Variants in TNRC6B observed in about 807,000 individuals in gnomAD.
TNRC6B encodes trinucleotide repeat-containing gene 6B protein.
Under a neutral mutation model 203.6 loss-of-function variants are expected in TNRC6B, and 52 were observed. The ratio of observed to expected loss-of-function variants is 0.26; its 90% CI spans 0.20 to 0.32. The LOEUF (loss-of-function observed/expected upper bound fraction) is 0.32, where lower values mean the gene tolerates loss of function less well. Among genes scored for constraint, TNRC6B ranks in the 10% least tolerant of loss-of-function variants. TNRC6B has a pLI of 1.00. For synonymous variants in TNRC6B, 838 were observed against 845.7 expected (o/e 0.99, Z 0.16); for missense variants, 1,923 against 2,286.2 (o/e 0.84, Z 3.24).
At chr22:40,136,859 ACATTAT>A (rs2068604174) in intron 3 of TNRC6B, among the ~76,000 whole-genome samples, 2 of 152,220 alleles carry the variant, frequency 1.3e-5, no homozygotes, top group Non-Finnish European at 2.9e-5. Flanking sequence ...TATTAATATA[ACATTAT>A]CATTATCAAA....
chr22:40,092,698 C>T (rs950175684), intron 1 of TNRC6B, among the ~76,000 whole-genome samples: 2 of 152,078 alleles, frequency 1.3e-5, no homozygotes, highest in Non-Finnish European at 2.9e-5. Context: ...TTTTTAGGGG[C>T]AAGGTCTTGC....
intron 12 of TNRC6B, among the ~76,000 whole-genome samples, chr22:40,286,824 G>A (rs527871199): frequency 6.6e-5 from 10 of 152,296 alleles, no homozygotes; most frequent in African/African-American, 2.4e-4. Context: ...GAAAGCAGGC[G>A]TGAGGATAGA....
chr22:40,176,122 C>CT (rs984617603), upstream of TNRC6B, among the ~76,000 whole-genome samples: 1,803 of 131,954 alleles, frequency 0.014, 28 homozygotes, highest in Non-Finnish European at 0.016. Flanking sequence ...TTCTCATGCA[C>CT]TTTTTTTTTT....
intron 1 of TNRC6B, among the ~76,000 whole-genome samples, chr22:40,178,404 G>A (rs1470326372): frequency 6.6e-6 from 1 of 152,106 alleles, no homozygotes; most frequent in Non-Finnish European, 1.5e-5. Context: ...TTTCTATCTT[G>A]CAATAAATGA....
At position 40,160,803 on chromosome 22, in the gene TNRC6B, C is replaced by G. The variant is rs570278027; in HGVS notation, c.113+4621C>G. On this transcript the variant is annotated intron_variant, in intron 4 of 23. Transcript: ENST00000301923. ...GGTCTCAAACTCTTGGGCTCAGGCT[C>G]AAGCAATCCTCCCACCTCAGCCTCC... is the stretch of plus-strand genomic sequence containing the variant. Among the ~76,000 whole-genome samples the G allele has an allele frequency of 3.3e-5, 5 of 152,242 alleles. No individual in the cohort carries two copies. In the East Asian group the frequency reaches 9.7e-4, roughly 29 times the overall value.
At chr22:40,198,475 T>C (rs2069368796) in intron 1 of TNRC6B, among the ~76,000 whole-genome samples, 1 of 152,034 alleles carries the variant, frequency 6.6e-6, no homozygotes, top group Non-Finnish European at 1.5e-5. Flanking sequence ...TATCAGAGCC[T>C]GAGTAGGATG....
At chr22:40,126,333 T>C (rs1312994329) in intron 3 of TNRC6B, among the ~76,000 whole-genome samples, 8 of 152,132 alleles carry the variant, frequency 5.3e-5, no homozygotes, top group Non-Finnish European at 1.0e-4. Flanking sequence ...GGGGTACAAG[T>C]GATTCCATCA....
chr22:40,289,229 C>A (rs1054507268), intron 12 of TNRC6B, among the ~76,000 whole-genome samples: 1 of 152,004 alleles, frequency 6.6e-6, no homozygotes, highest in Non-Finnish European at 1.5e-5. Context: ...CTGCAGTGAA[C>A]CACGATCAAG....
At chr22:40,223,899 G>T (rs1393370334) in intron 1 of TNRC6B, among the ~76,000 whole-genome samples, 2 of 152,202 alleles carry the variant, frequency 1.3e-5, no homozygotes, top group Admixed American at 1.3e-4. Context: ...ATATGTGAAT[G>T]CCTTTTTCTG....
intron 3 of TNRC6B, among the ~76,000 whole-genome samples, chr22:40,261,209 C>T (rs1247110913): frequency 6.6e-6 from 1 of 151,984 alleles, no homozygotes; most frequent in Non-Finnish European, 1.5e-5. Flanking sequence ...TCACTTGAGC[C>T]CTGGAGGTAG....
intron 11 of TNRC6B, among the ~76,000 whole-genome samples, chr22:40,283,150 C>T (rs373847229): frequency 1.4e-4 from 21 of 152,238 alleles, no homozygotes; most frequent in Middle Eastern, 3.4e-3. Flanking sequence ...ATTCTCCTGC[C>T]TCAGCCTCCT....
At chr22:40,090,871 C>T (rs61077667) in intron 1 of TNRC6B, among the ~76,000 whole-genome samples, 6,693 of 152,138 alleles carry the variant, frequency 0.044, 437 homozygotes, top group African/African-American at 0.14. Flanking sequence ...GGCTACACCA[C>T]GTAACAAGGA....
upstream of TNRC6B, among the ~76,000 whole-genome samples, chr22:40,174,017 T>G (rs1057251841): frequency 6.6e-6 from 1 of 150,726 alleles, no homozygotes; most frequent in African/African-American, 2.4e-5. Flanking sequence ...CAGGCTGGTC[T>G]TGAACTCCTG....
intron 4 of TNRC6B, among the ~76,000 whole-genome samples, chr22:40,165,093 T>TC (rs2068907163): frequency 7.1e-6 from 1 of 140,642 alleles, no homozygotes; most frequent in Admixed American, 7.2e-5. Flanking sequence ...TCCCCCCGGC[T>TC]CTTTTTTTTT....
intron 1 of TNRC6B, among the ~76,000 whole-genome samples, chr22:40,103,160 C>T (rs1002470423): frequency 2.2e-4 from 34 of 151,492 alleles, no homozygotes; most frequent in African/African-American, 7.8e-4. Flanking sequence ...CCCAGCTACT[C>T]GGGAGGCTGA....
chr22:40,251,056 A>T, intron 2 of TNRC6B, 123 bp from the exon 3 acceptor site: 1 of 679,208 alleles, frequency 1.5e-6, no homozygotes, highest in Non-Finnish European at 2.3e-6. Flanking sequence ...CTTTTTCTGG[A>T]TTTCAGCTAT....
chr22:40,281,903 C>A (rs913561546), intron 11 of TNRC6B, among the ~76,000 whole-genome samples: 2 of 152,210 alleles, frequency 1.3e-5, no homozygotes, highest in Non-Finnish European at 2.9e-5. Context: ...GCAGTAGAAA[C>A]AAGACAGGCA....
At chr22:40,273,194 A>G (rs940907465) in intron 6 of TNRC6B, among the ~76,000 whole-genome samples, 1 of 152,236 alleles carries the variant, frequency 6.6e-6, no homozygotes, top group African/African-American at 2.4e-5. Flanking sequence ...GCATTGATCC[A>G]TAAATCAGGA....
chr22:40,125,562 C>G (rs1489390114), intron 2 of TNRC6B, among the ~76,000 whole-genome samples: 4 of 152,170 alleles, frequency 2.6e-5, no homozygotes. Flanking sequence ...CCCTTCTCCC[C>G]CAAGATGGGA....
Sources: allele counts gnomAD v4.1 joint callset (sites outside exome capture counted in the v4.1 genomes callset), GRCh38; gene constraint gnomAD v4.1.1; transcripts MANE v1.5; gene names NCBI Gene and HGNC (gene_info 2026-07-23, HGNC 2026-07-21).